Variants in DKK2 observed in about 807,000 individuals in gnomAD.
DKK2 encodes the protein dickkopf-related protein 2.
DKK2 carries 11 observed loss-of-function variants against 28.1 expected under a neutral mutation model. The ratio of observed to expected loss-of-function variants is 0.39; its 90% CI spans 0.25 to 0.65. The LOEUF (loss-of-function observed/expected upper bound fraction) is 0.65. Among genes scored for constraint, DKK2 ranks in the 30% least tolerant of loss-of-function variants. The pLI is 0.47. For synonymous variants in DKK2, 135 were observed against 126.5 expected (o/e 1.07, Z -0.45); for missense variants, 326 against 335.5 (o/e 0.97, Z 0.22).
rs1442969275 is a variant in DKK2, at chr4:106,936,154, G to A, written c.223-10205C>T. On this transcript the variant is annotated intron_variant, in intron 1 of 3. Coordinates refer to ENST00000285311, the MANE Select transcript of DKK2 (RefSeq NM_014421.3). ...GAGCTGAGAGAAGAAGGCTTCAGAC[G>A]ATCAAATTACTTTGAGCTACGGGAG... is the stretch of plus-strand genomic sequence containing the variant. 3.9e-5 allele frequency among the ~76,000 whole-genome samples: 6 copies of A among 152,214 alleles called. No homozygotes were observed. In the East Asian group the frequency reaches 9.7e-4, roughly 25 times the overall value.
intron 1 of DKK2, 89 bp from the exon 2 acceptor site, chr4:106,926,038 G>T: frequency 1.4e-6 from 2 of 1,382,322 alleles, no homozygotes; most frequent in Non-Finnish European, 9.8e-7. Flanking sequence ...GATAGAAAAT[G>T]AATCACAATA....
At chr4:106,979,728 A>T (rs777259531) in intron 1 of DKK2, among the ~76,000 whole-genome samples, 10 of 152,218 alleles carry the variant, frequency 6.6e-5, no homozygotes, top group Non-Finnish European at 1.0e-4. Flanking sequence ...CTGAGTGTGT[A>T]ACACACATGC....
intron 1 of DKK2, among the ~76,000 whole-genome samples, chr4:107,027,380 T>A (rs1198536880): frequency 6.6e-6 from 1 of 152,104 alleles, no homozygotes; most frequent in African/African-American, 2.4e-5. Context: ...TATCACATGC[T>A]TCCATGAAAT....
chr4:106,944,016 G>A (rs909673331), intron 1 of DKK2, among the ~76,000 whole-genome samples: 3 of 151,984 alleles, frequency 2.0e-5, no homozygotes, highest in Non-Finnish European at 2.9e-5. Context: ...ATATCTGATA[G>A]TATTCCTAGT....
intron 1 of DKK2, among the ~76,000 whole-genome samples, chr4:106,935,665 G>A (rs1181001232): frequency 6.6e-6 from 1 of 152,234 alleles, no homozygotes; most frequent in Non-Finnish European, 1.5e-5. Flanking sequence ...TGTGGGCAGG[G>A]CACAGACAAA....
At chr4:106,929,557 G>A (rs1286886367) in intron 1 of DKK2, among the ~76,000 whole-genome samples, 1 of 152,112 alleles carries the variant, frequency 6.6e-6, no homozygotes, top group African/African-American at 2.4e-5. Context: ...GAATACATGA[G>A]AACTGTCAGT....
intron 1 of DKK2, among the ~76,000 whole-genome samples, chr4:107,013,766 G>A (rs1005127969): frequency 6.6e-6 from 1 of 151,332 alleles, no homozygotes; most frequent in Non-Finnish European, 1.5e-5. Context: ...CTACAAAATG[G>A]GATAAAATAT....
chr4:106,952,620 T>C (rs976658776), intron 1 of DKK2, among the ~76,000 whole-genome samples: 1 of 152,160 alleles, frequency 6.6e-6, no homozygotes, highest in Admixed American at 6.6e-5. Flanking sequence ...GAGGGCTACT[T>C]CAATGTCAAT....
chr4:106,944,264 T>C (rs1310444803), intron 1 of DKK2, among the ~76,000 whole-genome samples: 1 of 152,150 alleles, frequency 6.6e-6, no homozygotes, highest in Non-Finnish European at 1.5e-5. Context: ...GATGTCTAAC[T>C]TGTTTATGAT....
intron 1 of DKK2, among the ~76,000 whole-genome samples, chr4:106,957,413 A>G (rs1722611198): frequency 6.6e-6 from 1 of 152,154 alleles, no homozygotes; most frequent in South Asian, 2.1e-4. Flanking sequence ...GTATATACCC[A>G]AAGGATTATA....
intron 1 of DKK2, among the ~76,000 whole-genome samples, chr4:107,015,603 A>G (rs1382070066): frequency 6.6e-6 from 1 of 151,736 alleles, no homozygotes. Flanking sequence ...TAATTTTTGT[A>G]TGTAGTAACA....
At chr4:106,939,451 A>T (rs1258749889) in intron 1 of DKK2, among the ~76,000 whole-genome samples, 2 of 152,378 alleles carry the variant, frequency 1.3e-5, no homozygotes, top group East Asian at 1.9e-4. Flanking sequence ...GCTCAAGGAA[A>T]TAAAAGAGGT....
At chr4:106,975,306 C>A (rs893572709) in intron 1 of DKK2, among the ~76,000 whole-genome samples, 1 of 152,090 alleles carries the variant, frequency 6.6e-6, no homozygotes, top group Non-Finnish European at 1.5e-5. Flanking sequence ...GGAGTAGTTT[C>A]AGAAGGAATT....
intron 2 of DKK2, 29 bp downstream of exon 2, chr4:106,925,770 G>T (rs17037109): frequency 0.031 from 49,382 of 1,583,174 alleles, 894 homozygotes; most frequent in African/African-American, 0.052. Context: ...AAAGAAAGAG[G>T]CCCATTAACA....
At chr4:106,954,076 A>AAAG (rs1722545123) in intron 1 of DKK2, among the ~76,000 whole-genome samples, 1 of 152,178 alleles carries the variant, frequency 6.6e-6, no homozygotes, top group African/African-American at 2.4e-5. Flanking sequence ...TATGTTATTT[A>AAAG]AAGTATGAAA....
chr4:107,000,430 A>G (rs1196946217), intron 1 of DKK2, among the ~76,000 whole-genome samples: 2 of 152,194 alleles, frequency 1.3e-5, no homozygotes, highest in Non-Finnish European at 2.9e-5. Flanking sequence ...GTAACTCTAG[A>G]CACTAAACTA....
At chr4:106,976,879 T>G (rs4394070) in intron 1 of DKK2, among the ~76,000 whole-genome samples, 30,630 of 152,054 alleles carry the variant, frequency 0.2, 3,384 homozygotes, top group East Asian at 0.42. Flanking sequence ...GCTTGTACTG[T>G]TTTTTCTATT....
intron 1 of DKK2, among the ~76,000 whole-genome samples, chr4:106,932,249 T>C (rs1286504047): frequency 6.6e-6 from 1 of 152,148 alleles, no homozygotes; most frequent in Non-Finnish European, 1.5e-5. Context: ...ACTATCTGAA[T>C]TACAAATTAG....
At chr4:106,947,181 A>G (rs982834807) in intron 1 of DKK2, among the ~76,000 whole-genome samples, 2 of 152,138 alleles carry the variant, frequency 1.3e-5, no homozygotes, top group Non-Finnish European at 2.9e-5. Context: ...GGATATGATC[A>G]GAGTAAAAAT....
Sources: allele counts gnomAD v4.1 joint callset (sites outside exome capture counted in the v4.1 genomes callset), GRCh38; gene constraint gnomAD v4.1.1; transcripts MANE v1.5; gene names NCBI Gene and HGNC (gene_info 2026-07-23, HGNC 2026-07-21).